COG4: variants seen among roughly 807,000 people sequenced by gnomAD.
COG4 encodes conserved oligomeric Golgi complex subunit 4.
In COG4, 65 loss-of-function variants were observed where a neutral mutation model predicts 95.1. That is an observed-to-expected ratio of 0.68 (90% confidence interval 0.56 to 0.84). The LOEUF (loss-of-function observed/expected upper bound fraction) is 0.84, where lower values mean the gene tolerates loss of function less well. Ranked by LOEUF, COG4 falls within the 40% of genes least tolerant of loss-of-function variation. COG4 has a pLI of 0.00. For synonymous variants in COG4, 421 were observed against 374.8 expected (o/e 1.12, Z -1.42); for missense variants, 1,045 against 989.1 (o/e 1.06, Z -0.76).
At position 70,509,233 on chromosome 16, in the gene COG4, G is replaced by T; in HGVS notation, c.1000C>A (p.Gln334Lys). The change falls in exon 7 of 19, where the codon CAG becomes AAG. Residue 334 changes from glutamine (Q) to lysine (K), a missense_variant and splice_region_variant. Transcript: ENST00000323786. ...KFIKQRDYHQ[Q>K]FRHVQNNLMR... is the part of the protein sequence containing the mutation. ...TACCTGTAGCTTCCCCTGCTCACCT[G>T]CTGGTGGTAGTCCCTTTGCTTGATG... 1 of 1,614,036 alleles carries T rather than the reference G, an allele frequency of 6.2e-7. No homozygotes were observed. Among genetic ancestry groups the T allele is most frequent in the Non-Finnish European group, 8.5e-7 (1 of 1,180,020 alleles).
At chr16:70,508,919 T>C in intron 7 of COG4, 1 of 538,142 alleles carries the variant, frequency 1.9e-6, no homozygotes, top group Non-Finnish European at 3.5e-6. Context: ...GAAATAGAAT[T>C]GTCATTATAT....
At chr16:70,496,927 C>T (rs1253685958) in intron 11 of COG4, among the ~76,000 whole-genome samples, 2 of 152,146 alleles carry the variant, frequency 1.3e-5, no homozygotes, top group African/African-American at 4.8e-5. Flanking sequence ...TAGTGCTGGG[C>T]CTGTAGCAAT....
chr16:70,506,593 C>CAAAAAAAAAAAAAAAAAAAAAAAAAAAA (rs1237710539), intron 8 of COG4, among the ~76,000 whole-genome samples: 1 of 14,688 alleles, frequency 6.8e-5, no homozygotes, highest in Non-Finnish European at 1.2e-4. Context: ...GAGACTGCCT[C>CAAAAAAAAAAAAAAAAAAAAAAAAAAAA]AAAAAAAAAA....
intron 1 of COG4, among the ~76,000 whole-genome samples, chr16:70,522,479 C>CCA (rs1275063357): frequency 6.6e-6 from 1 of 152,140 alleles, no homozygotes. Context: ...ACAAAAAACA[C>CCA]CACACACATC....
At chr16:70,503,701 T>C (rs1483232816) in intron 8 of COG4, among the ~76,000 whole-genome samples, 1 of 128,616 alleles carries the variant, frequency 7.8e-6, no homozygotes, top group Non-Finnish European at 1.5e-5. Flanking sequence ...TTCATGCCAT[T>C]CTCCTGCCTC....
At chr16:70,489,909 C>T (rs1023023421) in intron 13 of COG4, among the ~76,000 whole-genome samples, 1 of 152,162 alleles carries the variant, frequency 6.6e-6, no homozygotes, top group Admixed American at 6.5e-5. Context: ...CCTCTGCCTC[C>T]CGGGTTCAAG....
At chr16:70,500,088 C>A (rs901588811) in intron 9 of COG4, among the ~76,000 whole-genome samples, 1 of 151,922 alleles carries the variant, frequency 6.6e-6, no homozygotes, top group East Asian at 1.9e-4. Context: ...TCCTCCTCGG[C>A]CTCCCAAAGT....
At chr16:70,496,161 T>G in intron 12 of COG4, 105 bp downstream of exon 12, 1 of 1,187,758 alleles carries the variant, frequency 8.4e-7, no homozygotes, top group Non-Finnish European at 1.2e-6. Context: ...ATATAGACAC[T>G]GGAGGAAAAG....
intron 3 of COG4, among the ~76,000 whole-genome samples, chr16:70,515,369 C>T (rs2049799701): frequency 6.6e-6 from 1 of 152,040 alleles, no homozygotes; most frequent in African/African-American, 2.4e-5. Flanking sequence ...ATACAGCCAC[C>T]AACTCACTAT....
At chr16:70,516,210 T>G (rs528316063) in intron 3 of COG4, among the ~76,000 whole-genome samples, 1 of 152,350 alleles carries the variant, frequency 6.6e-6, no homozygotes, top group African/African-American at 2.4e-5. Context: ...TAAATCAACC[T>G]TGTGTTCCTA....
At chr16:70,506,940 G>A (rs1049267736) in intron 8 of COG4, among the ~76,000 whole-genome samples, 3 of 152,176 alleles carry the variant, frequency 2.0e-5, no homozygotes, top group African/African-American at 7.2e-5. Context: ...GGCTGGGCAT[G>A]GTGGCTCATG....
intron 14 of COG4, among the ~76,000 whole-genome samples, chr16:70,483,528 T>A (rs1267327281): frequency 6.6e-6 from 1 of 152,036 alleles, no homozygotes; most frequent in Non-Finnish European, 1.5e-5. Flanking sequence ...TTCAGAATGC[T>A]CAATGTTAGG....
intron 16 of COG4, 53 bp from the exon 17 acceptor site, chr16:70,481,918 A>C: frequency 6.6e-7 from 1 of 1,513,004 alleles, no homozygotes; most frequent in Non-Finnish European, 9.2e-7. Context: ...CTCTGCCTCT[A>C]TGCTGGAGTC....
intron 8 of COG4, among the ~76,000 whole-genome samples, chr16:70,503,498 C>T (rs77710363): frequency 0.046 from 7,065 of 152,300 alleles, 225 homozygotes; most frequent in Non-Finnish European, 0.065. Context: ...ACTTCAGCTA[C>T]ACTGGCCTTC....
chr16:70,491,447 G>A (rs1445644669), intron 12 of COG4, among the ~76,000 whole-genome samples: 1 of 143,652 alleles, frequency 7.0e-6, no homozygotes, highest in Non-Finnish European at 1.5e-5. Context: ...TTGAACCTGG[G>A]AGATGAGAGG....
chr16:70,500,948 A>G lies in COG4; in HGVS notation c.1195+10T>C. Reference sequence around the variant, plus strand: ...TCAACCCTCCCCAAAAATATGGGAAACGTTTTTACCTTGCTTTACTTCCTC... The same window carrying G: ...TCAACCCTCCCCAAAAATATGGGAAGCGTTTTTACCTTGCTTTACTTCCTC... On this transcript the variant is annotated intron_variant, in intron 9 of 18. Transcript: ENST00000323786. 6.2e-7 allele frequency: 1 copy of G among 1,614,108 alleles called. No individual in the cohort carries two copies. The highest frequency in any genetic ancestry group is 8.5e-7 in the Non-Finnish European group (1 of 1,180,014).
intron 12 of COG4, among the ~76,000 whole-genome samples, chr16:70,492,964 CAA>C (rs201335502): frequency 6.8e-6 from 1 of 146,604 alleles, no homozygotes; most frequent in Non-Finnish European, 1.5e-5. Flanking sequence ...ACTCCATCTC[CAA>C]AAAAAAAAGT....
Position 70,514,319 on chromosome 16 carries a change from A to G in COG4, c.544+16T>C. 1 of 1,613,850 alleles carries G rather than the reference A, an allele frequency of 6.2e-7. No homozygotes were observed. On this transcript the variant is annotated intron_variant, in intron 4 of 18. Coordinates refer to ENST00000323786, the MANE Select transcript of COG4 (RefSeq NM_015386.3). ...GATTTTAACTAAACTAAAAACCAAC[A>G]GTTTCGGATGCTGACCCTCTTTGCC...
intron 1 of COG4, among the ~76,000 whole-genome samples, chr16:70,520,849 G>A (rs917017765): frequency 3.3e-5 from 5 of 152,080 alleles, no homozygotes; most frequent in Non-Finnish European, 5.9e-5. Context: ...TGTAAAACTA[G>A]GATAGCAATA....
Sources: allele counts gnomAD v4.1 joint callset (sites outside exome capture counted in the v4.1 genomes callset), GRCh38; gene constraint gnomAD v4.1.1; transcripts MANE v1.5; gene names NCBI Gene and HGNC (gene_info 2026-07-23, HGNC 2026-07-21).